Variants in ZC2HC1A observed in about 807,000 individuals in gnomAD.
The protein encoded by ZC2HC1A is zinc finger C2HC-type containing 1A.
ZC2HC1A carries 28 observed loss-of-function variants against 40.7 expected under a neutral mutation model. The ratio of observed to expected loss-of-function variants is 0.69; its 90% CI spans 0.51 to 0.94. ZC2HC1A has a LOEUF of 0.94. ZC2HC1A is among the 40% of genes least tolerant of loss of function. The probability of loss-of-function intolerance (pLI) is 0.00; values close to 1 mark genes in which losing one functional copy is unlikely to be tolerated. For missense variants in ZC2HC1A, 389 were observed against 386.3 expected (o/e 1.01, Z -0.06); for synonymous variants, 129 against 129.2 (o/e 1.00, Z 0.01).
chr8:78,711,475 A>G (rs1256662806), intron 7 of ZC2HC1A, among the ~76,000 whole-genome samples: 1 of 151,858 alleles, frequency 6.6e-6, no homozygotes, highest in Non-Finnish European at 1.5e-5. Context: ...CTTTGGATAC[A>G]TTTCAGAAAT....
At position 78,685,626 on chromosome 8, in the gene ZC2HC1A, G is replaced by C. The variant is rs983736016; in HGVS notation, c.211-841G>C. Among the ~76,000 whole-genome samples the C allele has an allele frequency of 2.6e-5, 4 of 152,240 alleles. No individual in the cohort carries two copies. The East Asian group carries it at 7.7e-4, about 29-fold the overall frequency. On this transcript the variant is annotated intron_variant, in intron 3 of 8. Coordinates refer to ENST00000263849, the MANE Select transcript of ZC2HC1A (RefSeq NM_016010.3). ...TGAGCAGGAATATAAATAGTCCACAGTAAAGACAATACATTAAATGATTCT... is the reference window on the plus strand; with the variant it reads ...TGAGCAGGAATATAAATAGTCCACACTAAAGACAATACATTAAATGATTCT...
chr8:78,705,297 T>C (rs1190960200), intron 7 of ZC2HC1A, among the ~76,000 whole-genome samples: 1 of 152,222 alleles, frequency 6.6e-6, no homozygotes, highest in Non-Finnish European at 1.5e-5. Context: ...TGGATGGGTT[T>C]GTTTTTTTGA....
At chr8:78,708,447 G>A (rs1413584867) in intron 7 of ZC2HC1A, among the ~76,000 whole-genome samples, 2 of 152,012 alleles carry the variant, frequency 1.3e-5, no homozygotes, top group African/African-American at 2.4e-5. Flanking sequence ...GGAGAGTGAG[G>A]TGGGAGAGTC....
intron 1 of ZC2HC1A, among the ~76,000 whole-genome samples, chr8:78,670,330 T>G (rs1461397355): frequency 6.6e-6 from 1 of 152,014 alleles, no homozygotes; most frequent in Non-Finnish European, 1.5e-5. Context: ...AGACAGTGAG[T>G]GAATGAGAGG....
At chr8:78,703,752 T>G (rs1474235361) in intron 7 of ZC2HC1A, among the ~76,000 whole-genome samples, 4 of 152,192 alleles carry the variant, frequency 2.6e-5, no homozygotes, top group Non-Finnish European at 5.9e-5. Flanking sequence ...ACTCTGTGTC[T>G]TTTAATTGGG....
intron 7 of ZC2HC1A, among the ~76,000 whole-genome samples, chr8:78,705,117 C>T (rs1810730678): frequency 6.6e-6 from 1 of 152,224 alleles, no homozygotes; most frequent in Non-Finnish European, 1.5e-5. Flanking sequence ...GCTGTCTCAG[C>T]CTCAGCCTGA....
At chr8:78,700,216 A>G (rs1810555734) in intron 7 of ZC2HC1A, among the ~76,000 whole-genome samples, 1 of 152,174 alleles carries the variant, frequency 6.6e-6, no homozygotes, top group Admixed American at 6.5e-5. Flanking sequence ...TCTAATGATC[A>G]GTGATGTTGA....
intron 7 of ZC2HC1A, among the ~76,000 whole-genome samples, chr8:78,705,837 T>C (rs1000547311): frequency 4.6e-5 from 7 of 151,988 alleles, no homozygotes; most frequent in African/African-American, 1.7e-4. Flanking sequence ...TATTGGGGAC[T>C]TACTTAAAGA....
intron 3 of ZC2HC1A, among the ~76,000 whole-genome samples, chr8:78,681,835 T>G (rs1809793208): frequency 6.6e-6 from 1 of 152,020 alleles, no homozygotes; most frequent in African/African-American, 2.4e-5. Context: ...TCTTCTTGTC[T>G]TTTTCATATT....
At chr8:78,681,734 T>G (rs948528509) in intron 3 of ZC2HC1A, among the ~76,000 whole-genome samples, 2 of 152,146 alleles carry the variant, frequency 1.3e-5, no homozygotes, top group Admixed American at 6.5e-5. Flanking sequence ...ATTTTATATT[T>G]GTTCTGGTAT....
chr8:78,683,420 A>G (rs556062925), intron 3 of ZC2HC1A, among the ~76,000 whole-genome samples: 5 of 152,314 alleles, frequency 3.3e-5, no homozygotes, highest in African/African-American at 9.6e-5. Context: ...GCTCAACACC[A>G]TGTGGAAGCT....
intron 3 of ZC2HC1A, among the ~76,000 whole-genome samples, chr8:78,684,187 T>A (rs1420696321): frequency 6.6e-6 from 1 of 152,178 alleles, no homozygotes; most frequent in Non-Finnish European, 1.5e-5. Flanking sequence ...CAGTACCAAC[T>A]TACTGTATTA....
rs189753622 is a variant in ZC2HC1A at position 78,678,290 on chromosome 8, A to G, written c.94-273A>G. ...ACACTTCTGACATTAGTAATGTACA[A>G]ACTAGGAGAAGAGTATTAAATAACT... On this transcript the variant is annotated intron_variant, in intron 2 of 8. Transcript: ENST00000263849. Among the ~76,000 whole-genome samples, 230 of 152,276 alleles carry G rather than the reference A, an allele frequency of 1.5e-3. 1 individual carries two copies. The highest frequency in any genetic ancestry group is 4.8e-3 in the African/African-American group (200 of 41,562).
At chr8:78,714,774 G>A (rs951203532) in intron 7 of ZC2HC1A, among the ~76,000 whole-genome samples, 2 of 152,130 alleles carry the variant, frequency 1.3e-5, no homozygotes, top group Non-Finnish European at 2.9e-5. Flanking sequence ...ACTTTCATAA[G>A]TTGAATATTA....
At chr8:78,709,270 C>T (rs192884612) in intron 7 of ZC2HC1A, among the ~76,000 whole-genome samples, 639 of 152,182 alleles carry the variant, frequency 4.2e-3, no homozygotes, top group Non-Finnish European at 6.7e-3. Flanking sequence ...CATTTTGTTT[C>T]TCATACCTTA....
intron 3 of ZC2HC1A, among the ~76,000 whole-genome samples, chr8:78,682,578 G>C (rs1409015957): frequency 6.6e-6 from 1 of 152,096 alleles, no homozygotes; most frequent in African/African-American, 2.4e-5. Flanking sequence ...CTCCCAATGG[G>C]TTCCTCCCAC....
rs537845769 is a variant in ZC2HC1A, at chr8:78,687,304, CAA to C, written c.352+698_352+699del. 2.4e-3 allele frequency among the ~76,000 whole-genome samples: 365 copies of C among 151,654 alleles called. 2 individuals carry two copies. Among genetic ancestry groups the C allele is most frequent in the African/African-American group, 8.2e-3 (340 of 41,402 alleles). On this transcript the variant is annotated intron_variant, in intron 4 of 8. Coordinates refer to ENST00000263849, the MANE Select transcript of ZC2HC1A (RefSeq NM_016010.3). ...CTCTAGATTGGGATTTATTTTCTAA[CAA>C]AGAGAAAGTTCTTTAGCAAATCTAG... is the stretch of plus-strand genomic sequence containing the variant.
At chr8:78,670,558 G>T (rs962642495) in intron 1 of ZC2HC1A, among the ~76,000 whole-genome samples, 2 of 152,090 alleles carry the variant, frequency 1.3e-5, no homozygotes, top group Non-Finnish European at 2.9e-5. Flanking sequence ...CAAACATTTG[G>T]CCATGTAGCA....
chr8:78,675,666 CAGT>C, intron 1 of ZC2HC1A, 118 bp from the exon 2 acceptor site: 1 of 867,250 alleles, frequency 1.2e-6, no homozygotes. Flanking sequence ...TTTCAAAATG[CAGT>C]AAAACATTTT....
Sources: allele counts gnomAD v4.1 joint callset (sites outside exome capture counted in the v4.1 genomes callset), GRCh38; gene constraint gnomAD v4.1.1; transcripts MANE v1.5; gene names NCBI Gene and HGNC (gene_info 2026-07-23, HGNC 2026-07-21).